Variants in KLHL29 observed in about 807,000 individuals in gnomAD.
KLHL29 encodes the protein kelch like family member 29, also known as kelch-like protein 29.
KLHL29 carries 21 observed loss-of-function variants against 80.4 expected under a neutral mutation model. That is an observed-to-expected ratio of 0.26 (90% CI 0.19 to 0.38). The LOEUF is 0.38. Ranked by LOEUF, KLHL29 falls within the 10% of genes least tolerant of loss-of-function variation. The probability of loss-of-function intolerance (pLI) is 1.00; values close to 1 mark genes in which losing one functional copy is unlikely to be tolerated. For synonymous variants in KLHL29, 511 were observed against 526.8 expected (o/e 0.97, Z 0.41); for missense variants, 867 against 1,223.9 (o/e 0.71, Z 4.35).
At chr2:23,496,490 C>T (rs1240324573) in intron 2 of KLHL29, among the ~76,000 whole-genome samples, 3 of 152,026 alleles carry the variant, frequency 2.0e-5, no homozygotes, top group Non-Finnish European at 4.4e-5. Flanking sequence ...CTCCCTCTCC[C>T]CCATCCTGCT....
At chr2:23,610,786 T>C (rs1363230602) in intron 3 of KLHL29, among the ~76,000 whole-genome samples, 2 of 152,256 alleles carry the variant, frequency 1.3e-5, no homozygotes, top group African/African-American at 4.8e-5. Flanking sequence ...ATTCTGGACC[T>C]CACTCGCCCC....
At position 23,596,706 on chromosome 2, in the gene KLHL29, C is replaced by T. The variant is rs1354014172; in HGVS notation, c.285+34225C>T. Among the ~76,000 whole-genome samples, 2 of 152,172 alleles carry T rather than the reference C, an allele frequency of 1.3e-5. No homozygotes were observed. The highest frequency in any genetic ancestry group is 2.4e-5 in the African/African-American group (1 of 41,434). On this transcript the variant is annotated intron_variant, in intron 3 of 13. Transcript: ENST00000486442. This position sits in a 1 kb window ranked among gnomAD's most constrained non-coding sequence, Gnocchi z 4.4. ...GCAAGCATCTCCCTCTAAATGAGGG[C>T]GATAGGAAGACTCCGATGCTGGGGC...
rs527650858 is a variant in KLHL29, at chr2:23,420,284, C to A, written c.-154+34504C>A. Among the ~76,000 whole-genome samples the A allele has an allele frequency of 9.8e-5, 15 of 152,308 alleles. No homozygotes were observed. The South Asian group carries it at 2.5e-3, about 25-fold the overall frequency. On this transcript the variant is annotated intron_variant, in intron 1 of 13. Transcript: ENST00000486442. The stretch of plus-strand genomic sequence containing the variant: ...TGGCCGTCCCTCGAAGCCCTGTTTC[C>A]TCTCCTTCCTTGCTGCGTCCACACC...
chr2:23,387,273 C>A (rs1666209437), intron 1 of KLHL29, among the ~76,000 whole-genome samples: 1 of 152,224 alleles, frequency 6.6e-6, no homozygotes, highest in African/African-American at 2.4e-5. Flanking sequence ...GTTCCAGCCT[C>A]TCTCCAGTCC....
chr2:23,575,397 A>G (rs1667819880), intron 3 of KLHL29, among the ~76,000 whole-genome samples: 1 of 152,216 alleles, frequency 6.6e-6, no homozygotes, highest in Admixed American at 6.5e-5. Flanking sequence ...CAACCATTCT[A>G]AGAAGCAAGT....
chr2:23,529,462 A>T (rs1293625841), intron 2 of KLHL29, among the ~76,000 whole-genome samples: 1 of 152,208 alleles, frequency 6.6e-6, no homozygotes, highest in Non-Finnish European at 1.5e-5. Flanking sequence ...ACCACTATGC[A>T]TGCTGCAGTA....
At chr2:23,498,629 T>C (rs1665342055) in intron 2 of KLHL29, among the ~76,000 whole-genome samples, 1 of 152,228 alleles carries the variant, frequency 6.6e-6, no homozygotes, top group Non-Finnish European at 1.5e-5. Context: ...TTTAGGAAGG[T>C]CGGGGCTTCC....
intron 2 of KLHL29, among the ~76,000 whole-genome samples, chr2:23,518,402 G>GAGCAA (rs1181020079): frequency 6.6e-6 from 1 of 152,198 alleles, no homozygotes; most frequent in Non-Finnish European, 1.5e-5. Flanking sequence ...GGGGATTAGG[G>GAGCAA]AGCAAGAGCC....
At chr2:23,595,870 C>G (rs73919779) in intron 3 of KLHL29, among the ~76,000 whole-genome samples, 1 of 152,212 alleles carries the variant, frequency 6.6e-6, no homozygotes, top group African/African-American at 2.4e-5. Flanking sequence ...GAGCTCCCCA[C>G]GCAAGCAGCA....
intron 3 of KLHL29, among the ~76,000 whole-genome samples, chr2:23,602,181 C>A (rs988343868): frequency 2.6e-5 from 4 of 152,144 alleles, no homozygotes; most frequent in Non-Finnish European, 5.9e-5. Flanking sequence ...AGTGTAGGGC[C>A]TTTTCATCCT....
intron 5 of KLHL29, among the ~76,000 whole-genome samples, chr2:23,671,474 T>A (rs4665628): frequency 0.76 from 115,179 of 152,100 alleles, 45,907 homozygotes; most frequent in East Asian, 0.99. Flanking sequence ...CATGAGCACA[T>A]AGGAATTTAG....
intron 3 of KLHL29, among the ~76,000 whole-genome samples, chr2:23,599,843 G>A (rs900865299): frequency 3.3e-5 from 5 of 152,288 alleles, no homozygotes; most frequent in South Asian, 2.1e-4. Context: ...CCCTCCTCCC[G>A]TGCCTCTGTC....
rs897068805 is a variant in KLHL29 at position 23,598,928 on chromosome 2, G to A, written c.285+36447G>A. Among the ~76,000 whole-genome samples, 3 of 152,270 alleles carry A rather than the reference G, an allele frequency of 2.0e-5. No homozygotes were observed. The East Asian group carries it at 5.8e-4, about 29-fold the overall frequency. ...GGCTGGGGGTAGAGCAGTGTGGGCA[G>A]TGGAAAGCCAGGCTTGGCCCGGAGC... On this transcript the variant is annotated intron_variant, in intron 3 of 13. Coordinates refer to ENST00000486442, the MANE Select transcript of KLHL29 (RefSeq NM_052920.2).
chr2:23,616,617 C>T (rs1402857347), intron 3 of KLHL29: 1 of 152,154 alleles, frequency 6.6e-6, no homozygotes, highest in Non-Finnish European at 1.5e-5. Context: ...TTGGAGAGGC[C>T]GATTCCTTGC....
chr2:23,663,918 GAGAA>G (rs1358410327), intron 5 of KLHL29, among the ~76,000 whole-genome samples: 5 of 152,214 alleles, frequency 3.3e-5, no homozygotes, highest in Non-Finnish European at 5.9e-5. Context: ...GTTGCCAAAA[GAGAA>G]AGCTCAAAAG....
chr2:23,501,578 C>T (rs928504119), intron 2 of KLHL29, among the ~76,000 whole-genome samples: 1 of 152,162 alleles, frequency 6.6e-6, no homozygotes, highest in Non-Finnish European at 1.5e-5. Flanking sequence ...GTTCTTTGTT[C>T]ACTCAGCTTT....
At chr2:23,445,119 G>A (rs1423920971) in intron 1 of KLHL29, among the ~76,000 whole-genome samples, 1 of 152,122 alleles carries the variant, frequency 6.6e-6, no homozygotes, top group Non-Finnish European at 1.5e-5. Flanking sequence ...TTCACTTAAA[G>A]TTGCAGTTTC....
chr2:23,670,611 T>G (rs187061473), intron 5 of KLHL29, among the ~76,000 whole-genome samples: 2 of 152,280 alleles, frequency 1.3e-5, no homozygotes, highest in East Asian at 3.9e-4. Context: ...GAGGGCACAA[T>G]TCCACTTTTC....
At chr2:23,416,788 C>T (rs1350738665) in intron 1 of KLHL29, among the ~76,000 whole-genome samples, 1 of 152,214 alleles carries the variant, frequency 6.6e-6, no homozygotes, top group Non-Finnish European at 1.5e-5. Flanking sequence ...CATCTTTGTT[C>T]TCACTGTACA....
Sources: gnomAD v4.1 joint callset for allele counts (sites outside exome capture counted in the v4.1 genomes callset) on GRCh38, gnomAD v4.1.1 for gene constraint, Gnocchi (gnomAD v3.1) non-coding constraint, MANE v1.5 for transcripts, NCBI Gene and HGNC (gene_info 2026-07-23, HGNC 2026-07-21) for gene names.